The following PRKCH variants were observed in gnomAD, a reference collection of about 807,000 sequenced individuals.
PRKCH encodes protein kinase C eta, also known as protein kinase C eta type.
A neutral mutation model predicts 82.5 loss-of-function variants in PRKCH; 28 were observed. The ratio of observed to expected loss-of-function variants is 0.34; its 90% confidence interval spans 0.25 to 0.47. The LOEUF is 0.47. Among genes scored for constraint, PRKCH ranks in the 20% least tolerant of loss-of-function variants. The probability of loss-of-function intolerance (pLI) is 1.00; values close to 1 mark genes in which losing one functional copy is unlikely to be tolerated. For missense variants in PRKCH, 705 were observed against 881.8 expected (o/e 0.80, Z 2.54); for synonymous variants, 322 against 327.4 (o/e 0.98, Z 0.18).
chr14:61,313,664 T>TG (rs2045541402), intron 1 of PRKCH, among the ~76,000 whole-genome samples: 1 of 152,120 alleles, frequency 6.6e-6, no homozygotes, highest in African/African-American at 2.4e-5. Flanking sequence ...TCCATGTGGC[T>TG]GGGGGGTGCC....
At chr14:61,281,088 C>T (rs747668958) in intron 1 of PRKCH, 25 of 1,510,250 alleles carry the variant, frequency 1.7e-5, no homozygotes, top group Middle Eastern at 1.8e-4. Flanking sequence ...GGAGGCGCTG[C>T]TGAGTGAAGG....
At chr14:61,484,739 T>C (rs1415301977) in intron 9 of PRKCH, among the ~76,000 whole-genome samples, 1 of 150,760 alleles carries the variant, frequency 6.6e-6, no homozygotes, top group Non-Finnish European at 1.5e-5. Context: ...ATGTGGATGC[T>C]ACTGTGAGGC....
chr14:61,225,651 CA>C (rs1215125164), intron 1 of PRKCH, among the ~76,000 whole-genome samples: 2 of 152,166 alleles, frequency 1.3e-5, no homozygotes, highest in Non-Finnish European at 2.9e-5. Context: ...GCAGTAACAC[CA>C]AATTTCTTCC....
At chr14:61,443,518 T>A (rs1289281995) in intron 3 of PRKCH, among the ~76,000 whole-genome samples, 1 of 152,140 alleles carries the variant, frequency 6.6e-6, no homozygotes, top group Non-Finnish European at 1.5e-5. Context: ...CCTAAACTGG[T>A]CAACAAGCAT....
intron 10 of PRKCH, among the ~76,000 whole-genome samples, chr14:61,506,732 T>G (rs1356804785): frequency 6.6e-6 from 1 of 152,128 alleles, no homozygotes; most frequent in Non-Finnish European, 1.5e-5. Context: ...TGAACAGGCA[T>G]GTAATGAAAT....
intron 11 of PRKCH, 122 bp downstream of exon 11, chr14:61,529,335 C>T (rs915624150): frequency 3.4e-5 from 41 of 1,201,620 alleles, no homozygotes; most frequent in Non-Finnish European, 4.4e-5. Context: ...TGTCTAGAGC[C>T]GACACCTCTA....
chr14:61,239,865 TG>T (rs952542090), intron 1 of PRKCH, among the ~76,000 whole-genome samples: 1 of 152,146 alleles, frequency 6.6e-6, no homozygotes, highest in African/African-American at 2.4e-5. Context: ...AAGTCTGCAC[TG>T]GGGGTAGCAT....
At chr14:61,392,629 CT>C (rs1219722125) in intron 2 of PRKCH, among the ~76,000 whole-genome samples, 2 of 152,008 alleles carry the variant, frequency 1.3e-5, no homozygotes, top group Non-Finnish European at 2.9e-5. Flanking sequence ...TCTTTGTTTT[CT>C]GGATATGAGT....
intron 1 of PRKCH, among the ~76,000 whole-genome samples, chr14:61,380,114 AG>A (rs1160583644): frequency 6.6e-6 from 1 of 151,920 alleles, no homozygotes; most frequent in Non-Finnish European, 1.5e-5. Flanking sequence ...TCCGGGGTGC[AG>A]TGTTGGAATC....
intron 2 of PRKCH, among the ~76,000 whole-genome samples, chr14:61,400,487 G>A (rs941448458): frequency 7.2e-5 from 11 of 152,256 alleles, no homozygotes; most frequent in African/African-American, 1.9e-4. Flanking sequence ...TTGAAGACAG[G>A]GTAGGAGAGA....
chr14:61,407,556 G>C (rs1037654288), intron 2 of PRKCH, among the ~76,000 whole-genome samples: 1 of 152,138 alleles, frequency 6.6e-6, no homozygotes, highest in Non-Finnish European at 1.5e-5. Context: ...TGAGGACCTG[G>C]TGGGGACACT....
chr14:61,196,881 A>G (rs538004889), intron 1 of PRKCH, among the ~76,000 whole-genome samples: 2 of 152,188 alleles, frequency 1.3e-5, no homozygotes, highest in African/African-American at 2.4e-5. Context: ...TTTTTTATTA[A>G]GTGCTATCAC....
intron 1 of PRKCH, among the ~76,000 whole-genome samples, chr14:61,372,848 ATGCTTAG>A (rs1331601103): frequency 6.6e-6 from 1 of 152,060 alleles, no homozygotes; most frequent in African/African-American, 2.4e-5. Flanking sequence ...GTTTTAACAA[ATGCTTAG>A]TGTTCTCTGT....
chr14:61,464,369 TG>T (rs1418125676), intron 9 of PRKCH, among the ~76,000 whole-genome samples: 5 of 151,604 alleles, frequency 3.3e-5, no homozygotes, highest in African/African-American at 1.2e-4. Context: ...TGTGTGGTTT[TG>T]TTTTGTTTTT....
At chr14:61,263,847 T>TTGTGTGTGTGTGTGTGTG (rs56280986) in intron 1 of PRKCH, among the ~76,000 whole-genome samples, 14 of 144,192 alleles carry the variant, frequency 9.7e-5, no homozygotes, top group Admixed American at 2.1e-4. Flanking sequence ...AGTCAGAGTA[T>TTGTGTGTGTGTGTGTGTG]TGTGTGTGTG....
intron 10 of PRKCH, among the ~76,000 whole-genome samples, chr14:61,486,496 T>A (rs1886230295): frequency 6.6e-6 from 1 of 152,190 alleles, no homozygotes; most frequent in Non-Finnish European, 1.5e-5. Context: ...AGTCTCAGAA[T>A]TCAACAGATA....
chr14:61,401,294 G>T (rs553810249), intron 2 of PRKCH, among the ~76,000 whole-genome samples: 5 of 152,292 alleles, frequency 3.3e-5, no homozygotes, highest in Admixed American at 1.3e-4. Context: ...GTTCAGCATA[G>T]GTATGATAGC....
chr14:61,325,101 A>G (rs539629878), intron 1 of PRKCH, among the ~76,000 whole-genome samples: 2 of 152,356 alleles, frequency 1.3e-5, no homozygotes, highest in African/African-American at 4.8e-5. Context: ...AGTTTGTTGT[A>G]GAAATTGACA....
chr14:61,505,521 A>G (rs1020981258), intron 10 of PRKCH, among the ~76,000 whole-genome samples: 26 of 141,446 alleles, frequency 1.8e-4, no homozygotes, highest in Non-Finnish European at 3.8e-4. Flanking sequence ...GATTACAGGC[A>G]TGTGCCACCA....
Sources: gnomAD v4.1 joint callset for allele counts (sites outside exome capture counted in the v4.1 genomes callset) on GRCh38, gnomAD v4.1.1 for gene constraint, MANE v1.5 for transcripts, NCBI Gene and HGNC (gene_info 2026-07-23, HGNC 2026-07-21) for gene names.